The following PDE4D variants were observed in gnomAD, a reference collection of about 807,000 sequenced individuals.
PDE4D encodes 3',5'-cyclic-AMP phosphodiesterase 4D.
Under a neutral mutation model 87.4 loss-of-function variants are expected in PDE4D, and 24 were observed. The ratio of observed to expected loss-of-function variants is 0.27; its 90% CI spans 0.20 to 0.39. PDE4D has a LOEUF of 0.39. Ranked by LOEUF, PDE4D falls within the 10% of genes least tolerant of loss-of-function variation. The probability of loss-of-function intolerance (pLI) is 1.00; values close to 1 mark genes in which losing one functional copy is unlikely to be tolerated. For missense variants in PDE4D, 714 were observed against 1,041.0 expected (o/e 0.69, Z 4.32); for synonymous variants, 384 against 383.2 (o/e 1.00, Z -0.02).
chr5:59,852,412 G>T (rs1744814315), intron 1 of PDE4D, among the ~76,000 whole-genome samples: 1 of 152,046 alleles, frequency 6.6e-6, no homozygotes, highest in South Asian at 2.1e-4. Flanking sequence ...TTGTGAAACA[G>T]CCCACAAACC....
At chr5:59,893,015 A>G (rs906155693) in intron 1 of PDE4D, among the ~76,000 whole-genome samples, 153 bp downstream of exon 1, 2 of 152,084 alleles carry the variant, frequency 1.3e-5, no homozygotes, top group Non-Finnish European at 2.9e-5. Flanking sequence ...TCAATAAAGG[A>G]TAGGCACACC....
intron 1 of PDE4D, among the ~76,000 whole-genome samples, chr5:59,741,170 A>G (rs1466085024): frequency 6.6e-6 from 1 of 152,142 alleles, no homozygotes; most frequent in East Asian, 1.9e-4. Context: ...GAACTACATC[A>G]AACAATTTGT....
intron 1 of PDE4D, among the ~76,000 whole-genome samples, chr5:59,311,306 C>T (rs1772551286): frequency 6.6e-6 from 1 of 151,612 alleles, no homozygotes; most frequent in Admixed American, 6.6e-5. Flanking sequence ...GCGGGTGGAT[C>T]ACCTGAGTTC....
intron 1 of PDE4D, among the ~76,000 whole-genome samples, chr5:60,388,832 C>T (rs1416569970): frequency 6.6e-6 from 1 of 152,152 alleles, no homozygotes; most frequent in African/African-American, 2.4e-5. Context: ...TGGATGAAAA[C>T]AAGTATCTAT....
chr5:59,816,759 C>T (rs1177890026), intron 1 of PDE4D, among the ~76,000 whole-genome samples: 1 of 152,112 alleles, frequency 6.6e-6, no homozygotes, highest in Non-Finnish European at 1.5e-5. Flanking sequence ...GGATTTCCTT[C>T]CTAAGAAATA....
intron 1 of PDE4D, among the ~76,000 whole-genome samples, chr5:59,249,944 C>G (rs1759591537): frequency 6.6e-6 from 1 of 152,032 alleles, no homozygotes. Flanking sequence ...GCACCCTGAA[C>G]ACAATCCTCC....
At position 59,419,867 on chromosome 5, in the gene PDE4D, G is replaced by A. The variant is rs75401066; in HGVS notation, c.456-203899C>T. Among the ~76,000 whole-genome samples, 1,382 of 152,120 alleles carry A rather than the reference G, an allele frequency of 9.1e-3. 25 individuals are homozygous for A. Among genetic ancestry groups the A allele is most frequent in the African/African-American group, 0.032 (1,320 of 41,478 alleles). On this transcript the variant is annotated intron_variant, in intron 1 of 14. Coordinates refer to ENST00000340635, the MANE Select transcript of PDE4D (RefSeq NM_001104631.2). ...AGAATCTGACATAGTCACTTTTACC[G>A]TGGAGAACCCCTTGAATCACCCAAT...
intron 1 of PDE4D, among the ~76,000 whole-genome samples, chr5:59,848,876 G>C (rs767897577): frequency 1.6e-4 from 25 of 151,942 alleles, no homozygotes; most frequent in Non-Finnish European, 2.2e-4. Flanking sequence ...CATAAAATTT[G>C]AGAAATGGCA....
Position 60,029,864 on chromosome 5 carries a change from G to C in PDE4D, c.43-41147C>G, listed in dbSNP as rs16890449. 7.0e-3 allele frequency among the ~76,000 whole-genome samples: 1,059 copies of C among 152,240 alleles called. 10 individuals are homozygous for C. Among genetic ancestry groups the C allele is most frequent in the African/African-American group, 0.024 (1,007 of 41,524 alleles). On this transcript the variant is annotated intron_variant, in intron 2 of 16. Coordinates refer to the PDE4D transcript ENST00000502484. ...GTGGTAAATGGAGTGAGTTGTGGAT[G>C]TGCTACTTGATGGTACGGGGGCCCC...
chr5:59,479,981 A>ATT, intron 1 of PDE4D, among the ~76,000 whole-genome samples: 1 of 150,930 alleles, frequency 6.6e-6, no homozygotes, highest in African/African-American at 2.4e-5. Flanking sequence ...TATGCCAAGC[A>ATT]TTTTTTTTTG....
intron 1 of PDE4D, among the ~76,000 whole-genome samples, chr5:60,196,623 TCATCATCAGCTTGA>T (rs1239360365): frequency 6.6e-6 from 1 of 151,438 alleles, no homozygotes; most frequent in Non-Finnish European, 1.5e-5. Flanking sequence ...CTGAGATGTG[TCATCATCAGCTTGA>T]CTATAACAGA....
At chr5:59,868,521 T>G (rs899122187) in intron 1 of PDE4D, among the ~76,000 whole-genome samples, 2 of 152,172 alleles carry the variant, frequency 1.3e-5, no homozygotes, top group African/African-American at 2.4e-5. Context: ...AAGAGAATCC[T>G]GGGGACCACC....
intron 5 of PDE4D, among the ~76,000 whole-genome samples, chr5:59,117,128 A>G (rs1045291574): frequency 6.6e-6 from 1 of 152,164 alleles, no homozygotes; most frequent in Non-Finnish European, 1.5e-5. Flanking sequence ...GCTTTACCCA[A>G]CATCCCAGGA....
At position 60,020,542 on chromosome 5, in the gene PDE4D, C is replaced by A. The variant is rs1217500952; in HGVS notation, c.43-31825G>T. On this transcript the variant is annotated intron_variant, in intron 2 of 16. Transcript: ENST00000502484. ...TACAGGCTGTATGTATACATATACA[C>A]ACACACAGCCTATTGGTTCTATTTC... Among the ~76,000 whole-genome samples, 15 of 152,238 alleles carry A rather than the reference C, an allele frequency of 9.9e-5. No individual in the cohort carries two copies. In the East Asian group the frequency reaches 2.7e-3, roughly 27 times the overall value.
rs141816425 is a variant in PDE4D, at chr5:59,207,856, G to GT, written c.647+7920dup. ...GAGAAAAACTCACATGATTTTTAGA[G>GT]TTTTTTTTTTCACATTTAAAAGATT... On this transcript the variant is annotated intron_variant, in intron 2 of 14. Coordinates refer to ENST00000340635, the MANE Select transcript of PDE4D (RefSeq NM_001104631.2). Among the ~76,000 whole-genome samples, 171 of 148,990 alleles carry GT rather than the reference G, an allele frequency of 1.1e-3. 1 individual carries two copies. The highest frequency in any genetic ancestry group is 3.5e-3 in the Middle Eastern group (1 of 288).
At chr5:60,492,653 A>G (rs1007743829), upstream of PDE4D, among the ~76,000 whole-genome samples, 32 of 152,134 alleles carry the variant, frequency 2.1e-4, no homozygotes, top group African/African-American at 7.7e-4. Context: ...CAGAAAACCA[A>G]ACACCGCATG....
chr5:60,482,154 G>A (rs1583901864), intron 1 of PDE4D, among the ~76,000 whole-genome samples: 1 of 152,128 alleles, frequency 6.6e-6, no homozygotes, highest in African/African-American at 2.4e-5. Flanking sequence ...CATCAGGAAT[G>A]GGGTTCGTGC....
intron 1 of PDE4D, among the ~76,000 whole-genome samples, chr5:60,299,969 C>T (rs1285182178): frequency 6.6e-6 from 1 of 152,260 alleles, no homozygotes; most frequent in African/African-American, 2.4e-5. Flanking sequence ...TTTGAGGAAT[C>T]GCCACACTGT....
Position 60,111,517 on chromosome 5 carries a change from A to T in PDE4D, c.42+74040T>A, listed in dbSNP as rs187044557. On this transcript the variant is annotated intron_variant, in intron 2 of 16. Transcript: ENST00000502484. The stretch of plus-strand genomic sequence containing the variant: ...GGGCATTATACAATGTTGAAGATAC[A>T]CATTTATTAGTCATCATCATTGGAA... 4.6e-5 allele frequency among the ~76,000 whole-genome samples: 7 copies of T among 152,190 alleles called. No individual in the cohort carries two copies. In the East Asian group the frequency reaches 1.4e-3, roughly 29 times the overall value.
Sources: allele counts gnomAD v4.1 joint callset (sites outside exome capture counted in the v4.1 genomes callset), GRCh38; gene constraint gnomAD v4.1.1; transcripts MANE v1.5; gene names NCBI Gene and HGNC (gene_info 2026-07-23, HGNC 2026-07-21).